MBNL2: variants seen among roughly 807,000 people sequenced by gnomAD.
MBNL2 encodes muscleblind like splicing regulator 2, also known as muscleblind-like protein 2.
A neutral mutation model predicts 41.9 loss-of-function variants in MBNL2; 17 were observed. The observed-to-expected ratio is 0.41, with a 90% CI of 0.28 to 0.61. The LOEUF is 0.61. MBNL2 is among the 20% of genes least tolerant of loss of function. The pLI, the probability that MBNL2 is intolerant of heterozygous loss-of-function variation, is 0.35. For missense variants in MBNL2, 336 were observed against 505.6 expected, an observed-to-expected ratio of 0.66 and a Z score of 3.22; for synonymous variants, 195 against 182.9, an observed-to-expected ratio of 1.07 and a Z score of -0.53.
At chr13:97,167,232 TAAATTACAAAGAAC>T in the MBNL2 span, among the ~76,000 whole-genome samples, 1 of 151,914 alleles carries the variant, frequency 6.6e-6, no homozygotes, top group African/African-American at 2.4e-5. Flanking sequence ...AATAGCAAAA[TAAATTACAAAGAAC>T]ATATGCAAGA....
At chr13:97,175,475 G>T in the MBNL2 span, among the ~76,000 whole-genome samples, 1 of 152,188 alleles carries the variant, frequency 6.6e-6, no homozygotes, top group Non-Finnish European at 1.5e-5. Context: ...TTGCAAAGAG[G>T]ACCCCATCCT....
At chr13:97,357,065 T>C (rs1047908978) in intron 6 of MBNL2, among the ~76,000 whole-genome samples, 2 of 152,206 alleles carry the variant, frequency 1.3e-5, no homozygotes, top group Non-Finnish European at 2.9e-5. Flanking sequence ...TGAAGCAAAT[T>C]TAAATTATTT....
chr13:97,207,312 A>C, the MBNL2 span, among the ~76,000 whole-genome samples: 2 of 152,194 alleles, frequency 1.3e-5, no homozygotes, highest in African/African-American at 4.8e-5. Flanking sequence ...GGAGTGTATT[A>C]GTCCGTTTTC....
chr13:97,202,572 C>T, the MBNL2 span, among the ~76,000 whole-genome samples: 40 of 152,238 alleles, frequency 2.6e-4, no homozygotes, highest in African/African-American at 9.4e-4. Flanking sequence ...GCCTTATCTC[C>T]ATGGTTTTCT....
At chr13:97,370,665 G>A (rs1239352133) in intron 8 of MBNL2, among the ~76,000 whole-genome samples, 17 of 119,190 alleles carry the variant, frequency 1.4e-4, no homozygotes, top group Admixed American at 5.1e-4. Context: ...GGGAAACTCC[G>A]TCAAAAAAAA....
rs376114895 is a variant in MBNL2 at position 97,375,605 on chromosome 13, T to C, written c.1048+10434T>C. ...CATCTGCTTTCCACACGCCATTATGTTAAACCCACCGGGACTCTGTTTCCC... is the reference window on the plus strand; with the variant it reads ...CATCTGCTTTCCACACGCCATTATGCTAAACCCACCGGGACTCTGTTTCCC... On this transcript the variant is annotated intron_variant, in intron 8 of 8. Transcript: ENST00000679496. Among the ~76,000 whole-genome samples the C allele has an allele frequency of 2.0e-4, 31 of 152,322 alleles. No homozygotes were observed. The East Asian group carries it at 6.0e-3, about 29-fold the overall frequency.
chr13:97,374,902 G>A (rs1345951693), intron 8 of MBNL2, among the ~76,000 whole-genome samples: 1 of 152,156 alleles, frequency 6.6e-6, no homozygotes, highest in Non-Finnish European at 1.5e-5. Context: ...ACTAGCTACA[G>A]TGAAGGAATT....
chr13:97,335,243 A>G (rs1028080331), intron 3 of MBNL2, among the ~76,000 whole-genome samples: 3 of 151,854 alleles, frequency 2.0e-5, no homozygotes, highest in South Asian at 2.1e-4. Context: ...TAATTTTAGT[A>G]GGTTTCATTT....
chr13:97,378,411 G>T (rs2065149795), intron 8 of MBNL2, among the ~76,000 whole-genome samples: 1 of 152,204 alleles, frequency 6.6e-6, no homozygotes, highest in African/African-American at 2.4e-5. Flanking sequence ...TAACTTTAAA[G>T]AGTGGGAAAT....
the MBNL2 span, among the ~76,000 whole-genome samples, chr13:97,186,232 C>T: frequency 2.0e-5 from 3 of 152,208 alleles, no homozygotes; most frequent in African/African-American, 7.2e-5. Flanking sequence ...ATTAGGCATG[C>T]TACCGTAGAT....
intron 1 of MBNL2, among the ~76,000 whole-genome samples, chr13:97,231,954 C>G (rs2042443459): frequency 6.6e-6 from 1 of 152,188 alleles, no homozygotes; most frequent in African/African-American, 2.4e-5. Context: ...AGCTCTGACA[C>G]ATTCATTCCC....
chr13:97,176,166 C>G, the MBNL2 span, among the ~76,000 whole-genome samples: 3 of 152,094 alleles, frequency 2.0e-5, no homozygotes, highest in African/African-American at 7.2e-5. Context: ...CAGGGACATG[C>G]TGGGTCTGAC....
chr13:97,278,037 CGAGATCAGGGGTTT>C (rs2052533731), intron 2 of MBNL2, among the ~76,000 whole-genome samples: 1 of 151,874 alleles, frequency 6.6e-6, no homozygotes, highest in Non-Finnish European at 1.5e-5. Context: ...GGGCGGATCA[CGAGATCAGGGGTTT>C]GAGACCAGCC....
the MBNL2 span, among the ~76,000 whole-genome samples, chr13:97,180,750 A>AT: frequency 1.5e-5 from 2 of 131,780 alleles, no homozygotes; most frequent in South Asian, 2.7e-4. Context: ...TAAAAAAAAA[A>AT]AAAAAAAAAA....
chr13:97,251,834 C>CTTTTTTT lies in MBNL2; in HGVS notation c.-604-23777_-604-23771dup, dbSNP rs869034692. 2.4e-4 allele frequency among the ~76,000 whole-genome samples: 17 copies of CTTTTTTT among 69,600 alleles called. 1 individual carries two copies. The highest frequency in any genetic ancestry group is 8.4e-4 in the African/African-American group (15 of 17,940). 45.7% of individuals were successfully genotyped at this position (69,600 alleles called of 152,430 possible). A position where few individuals can be genotyped will look rare whatever the true frequency, so the allele number is the denominator to read the frequency against. On this transcript the variant is annotated intron_variant, in intron 1 of 8. Coordinates refer to ENST00000679496, the MANE Select transcript of MBNL2 (RefSeq NM_001382683.1). ...TATTTATTATCTTGTATCCTCAATT[C>CTTTTTTT]TTTTTTTTTTTTTTTTTTTTTTTTT... is the stretch of plus-strand genomic sequence containing the variant.
chr13:97,204,678 G>A, the MBNL2 span, among the ~76,000 whole-genome samples: 4 of 152,024 alleles, frequency 2.6e-5, no homozygotes, highest in African/African-American at 7.2e-5. Flanking sequence ...TTTAGAAAAC[G>A]TTTTCTTCTT....
At chr13:97,379,096 C>A (rs1163263917) in intron 8 of MBNL2, among the ~76,000 whole-genome samples, 1 of 152,106 alleles carries the variant, frequency 6.6e-6, no homozygotes, top group African/African-American at 2.4e-5. Context: ...CATATGACTC[C>A]CCTTAAAAAC....
At chr13:97,181,404 G>A in the MBNL2 span, among the ~76,000 whole-genome samples, 4 of 152,116 alleles carry the variant, frequency 2.6e-5, no homozygotes, top group Non-Finnish European at 5.9e-5. Context: ...AAAAAGGAAC[G>A]CAATTTTTAA....
At chr13:97,322,640 G>A (rs2059599525) in intron 2 of MBNL2, among the ~76,000 whole-genome samples, 1 of 152,042 alleles carries the variant, frequency 6.6e-6, no homozygotes, top group Non-Finnish European at 1.5e-5. Context: ...GAAAACGAAG[G>A]AACTCTTAAT....
Sources: allele counts gnomAD v4.1 joint callset (sites outside exome capture counted in the v4.1 genomes callset), GRCh38; gene constraint gnomAD v4.1.1; transcripts MANE v1.5; gene names NCBI Gene and HGNC (gene_info 2026-07-23, HGNC 2026-07-21).